Variants in CADM1 observed in about 807,000 individuals in gnomAD.
CADM1 encodes the protein cell adhesion molecule 1.
CADM1 carries 15 observed loss-of-function variants against 53.1 expected under a neutral mutation model. The ratio of observed to expected loss-of-function variants is 0.28; its 90% confidence interval spans 0.19 to 0.44. The LOEUF (loss-of-function observed/expected upper bound fraction) is 0.44. CADM1 is among the 20% of genes least tolerant of loss of function. The pLI is 1.00. For synonymous variants in CADM1, 281 were observed against 243.0 expected (o/e 1.16, Z -1.45); for missense variants, 434 against 611.3 (o/e 0.71, Z 3.06).
chr11:115,284,114 C>CTCTCTCTCTCTCTCTCTCTCTCTCTCTG (rs1351842329), intron 1 of CADM1, among the ~76,000 whole-genome samples: 9 of 98,692 alleles, frequency 9.1e-5, no homozygotes, highest in South Asian at 3.2e-4. Flanking sequence ...CTCTCTCTCT[C>CTCTCTCTCTCTCTCTCTCTCTCTCTCTG]TGTGTGTGTG....
intron 1 of CADM1, among the ~76,000 whole-genome samples, chr11:115,306,345 C>A (rs1236190790): frequency 6.6e-6 from 1 of 151,870 alleles, no homozygotes; most frequent in Non-Finnish European, 1.5e-5. Flanking sequence ...TAGACTACAC[C>A]ATCTATGTTT....
At chr11:115,445,778 G>T (rs577566372) in intron 1 of CADM1, 28 of 453,670 alleles carry the variant, frequency 6.2e-5, no homozygotes, top group South Asian at 4.4e-4. Context: ...CGGGAAGGCC[G>T]AGGCTGCAGT....
At chr11:115,188,198 T>C (rs577061464) in intron 10 of CADM1, among the ~76,000 whole-genome samples, 29 of 152,350 alleles carry the variant, frequency 1.9e-4, no homozygotes, top group African/African-American at 6.3e-4. Context: ...AAAGCTATTC[T>C]ATTCCACATG....
chr11:115,453,371 C>T (rs1948616083), intron 1 of CADM1, among the ~76,000 whole-genome samples: 2 of 143,506 alleles, frequency 1.4e-5, no homozygotes, highest in South Asian at 2.2e-4. Context: ...ATACCCCCCT[C>T]GCCCCCAAAA....
In CADM1 at chr11:115,209,591, A is replaced by ATGGTGGTGGTGG; in HGVS notation, c.1049_1060dup (p.Thr350_Thr353dup). Reference sequence around the variant, plus strand: ...TACCATACCTGTGATGATGGTAAGGATGGTGGTGGTGGTGGTGGTGGTGGT... The same window carrying ATGGTGGTGGTGG: ...TACCATACCTGTGATGATGGTAAGGATGGTGGTGGTGGTGGTGGTGGTGGTGGTGGTGGTGGT... On this transcript the variant is annotated inframe_insertion, in exon 8 of 12. Coordinates refer to ENST00000331581, the MANE Select transcript of CADM1 (RefSeq NM_001301043.2). 11 of 924,902 alleles carry ATGGTGGTGGTGG rather than the reference A, an allele frequency of 1.2e-5. No homozygotes were observed. Among genetic ancestry groups the ATGGTGGTGGTGG allele is most frequent in the South Asian group, 1.1e-4 (8 of 76,058 alleles). 57.3% of individuals were successfully genotyped at this position (924,902 alleles called of 1,614,324 possible).
At chr11:115,276,803 T>C (rs950799634) in intron 1 of CADM1, among the ~76,000 whole-genome samples, 2 of 152,142 alleles carry the variant, frequency 1.3e-5, no homozygotes, top group African/African-American at 2.4e-5. Context: ...CTACCCTAGA[T>C]GCTGCTCCAA....
chr11:115,365,101 T>C (rs1271642737), intron 1 of CADM1, among the ~76,000 whole-genome samples: 1 of 152,202 alleles, frequency 6.6e-6, no homozygotes. Context: ...ACTTCTCTAA[T>C]GTACCCAGGC....
At chr11:115,331,567 T>C (rs1026993935) in intron 1 of CADM1, among the ~76,000 whole-genome samples, 1 of 152,110 alleles carries the variant, frequency 6.6e-6, no homozygotes, top group Admixed American at 6.6e-5. Flanking sequence ...CTATATATAA[T>C]AAAGAATTCA....
chr11:115,297,595 C>A (rs1365702503), intron 1 of CADM1, among the ~76,000 whole-genome samples: 1 of 152,176 alleles, frequency 6.6e-6, no homozygotes, highest in Non-Finnish European at 1.5e-5. Flanking sequence ...GCAGAGTATG[C>A]AATTCCTGAA....
At chr11:115,484,946 C>CAAA (rs113318647) in intron 1 of CADM1, among the ~76,000 whole-genome samples, 1 of 91,866 alleles carries the variant, frequency 1.1e-5, no homozygotes, top group East Asian at 3.2e-4. Flanking sequence ...GACTCTGTCT[C>CAAA]AAAAAAAAAA....
intron 1 of CADM1, among the ~76,000 whole-genome samples, chr11:115,437,201 G>C (rs1948203247): frequency 6.6e-6 from 1 of 152,146 alleles, no homozygotes; most frequent in South Asian, 2.1e-4. Flanking sequence ...GGTAAGAAAT[G>C]CAAGACCTGC....
chr11:115,324,657 TA>T (rs1419045654), intron 1 of CADM1, among the ~76,000 whole-genome samples: 1 of 152,170 alleles, frequency 6.6e-6, no homozygotes, highest in Non-Finnish European at 1.5e-5. Flanking sequence ...TGATAAATAC[TA>T]TATGATGAAC....
intron 1 of CADM1, among the ~76,000 whole-genome samples, chr11:115,478,431 TAAATAC>T (rs1949184946): frequency 6.6e-6 from 1 of 152,132 alleles, no homozygotes; most frequent in Non-Finnish European, 1.5e-5. Flanking sequence ...GACATAAATA[TAAATAC>T]CTCTTTAAAC....
intron 9 of CADM1, among the ~76,000 whole-genome samples, chr11:115,194,598 G>A (rs1940059703): frequency 6.6e-6 from 1 of 152,110 alleles, no homozygotes; most frequent in Admixed American, 6.5e-5. Context: ...AGCCTCTACT[G>A]TATTAAGAGG....
At chr11:115,455,351 T>C (rs529439305) in intron 1 of CADM1, among the ~76,000 whole-genome samples, 1 of 150,950 alleles carries the variant, frequency 6.6e-6, no homozygotes, top group East Asian at 2.0e-4. Flanking sequence ...AAGTGGAGGG[T>C]GGTGGCAAAA....
chr11:115,408,689 G>T (rs1947378887), intron 1 of CADM1, among the ~76,000 whole-genome samples: 1 of 152,124 alleles, frequency 6.6e-6, no homozygotes, highest in Non-Finnish European at 1.5e-5. Flanking sequence ...AAGAAAATTA[G>T]TTAAGACATC....
At chr11:115,322,548 C>T (rs906525377) in intron 1 of CADM1, among the ~76,000 whole-genome samples, 3 of 152,154 alleles carry the variant, frequency 2.0e-5, no homozygotes, top group East Asian at 3.9e-4. Context: ...AACTTTATAT[C>T]CACTGATAGT....
chr11:115,300,309 T>G (rs958154432), intron 1 of CADM1, among the ~76,000 whole-genome samples: 3 of 152,110 alleles, frequency 2.0e-5, no homozygotes, highest in Non-Finnish European at 2.9e-5. Flanking sequence ...AAATAGAAGA[T>G]AGAAACTCTT....
chr11:115,440,183 C>A (rs1047305014), intron 1 of CADM1, among the ~76,000 whole-genome samples: 2 of 152,190 alleles, frequency 1.3e-5, no homozygotes, highest in Admixed American at 1.3e-4. Context: ...TTGGCATTAT[C>A]TTTTGTGCTC....
Sources: gnomAD v4.1 joint callset for allele counts (sites outside exome capture counted in the v4.1 genomes callset) on GRCh38, gnomAD v4.1.1 for gene constraint, MANE v1.5 for transcripts, NCBI Gene and HGNC (gene_info 2026-07-23, HGNC 2026-07-21) for gene names.